Variants in ACKR2 observed in about 807,000 individuals in gnomAD.
ACKR2 encodes the protein C-C chemokine receptor D6.
For synonymous variants in ACKR2, 207 were observed against 192.2 expected, an observed-to-expected ratio of 1.08 and a Z score of -0.64; for missense variants, 457 against 477.3, an observed-to-expected ratio of 0.96 and a Z score of 0.40.
At chr3:42,848,937 C>T (rs1701124820) in intron 2 of ACKR2, among the ~76,000 whole-genome samples, 1 of 152,116 alleles carries the variant, frequency 6.6e-6, no homozygotes, top group Non-Finnish European at 1.5e-5. Context: ...AATTTAGGGA[C>T]ATTCTACAAA....
At chr3:42,815,493 CAG>C (rs1193786123) in intron 1 of ACKR2, among the ~76,000 whole-genome samples, 1 of 152,182 alleles carries the variant, frequency 6.6e-6, no homozygotes, top group African/African-American at 2.4e-5. Flanking sequence ...CTTTACACTG[CAG>C]AGTCATGGAA....
chr3:42,849,431 C>T (rs1032116422), intron 2 of ACKR2, among the ~76,000 whole-genome samples: 4 of 151,610 alleles, frequency 2.6e-5, no homozygotes, highest in Non-Finnish European at 5.9e-5. Flanking sequence ...CTGGGAGGCA[C>T]AGGTTGCAGT....
rs530026395 is a variant in ACKR2, at chr3:42,817,616, A to T, written c.-118-2015A>T. Among the ~76,000 whole-genome samples the T allele has an allele frequency of 5.9e-5, 9 of 152,160 alleles. No homozygotes were observed. In the South Asian group the frequency reaches 1.7e-3, roughly 28 times the overall value. The stretch of plus-strand genomic sequence containing the variant: ...TCTCATACTCTTCCATTTAAAAAAG[A>T]TTCCTTCCTAGATTCTTCATCCTTT... On this transcript the variant is annotated intron_variant, in intron 1 of 2. Transcript: ENST00000422265.
intron 2 of ACKR2, among the ~76,000 whole-genome samples, chr3:42,850,047 G>A (rs1207834953): frequency 6.6e-6 from 1 of 152,080 alleles, no homozygotes; most frequent in Non-Finnish European, 1.5e-5. Flanking sequence ...ACAAAAGGGG[G>A]GAGGTGAGGG....
chr3:42,865,166 C>A lies in ACKR2; in HGVS notation c.664C>A (p.Pro222Thr). 1 of 1,614,184 alleles carries A rather than the reference C, an allele frequency of 6.2e-7. No homozygotes were observed. The highest frequency in any genetic ancestry group is 8.5e-7 in the Non-Finnish European group (1 of 1,180,040). The change falls in exon 3 of 3, where the codon CCA becomes ACA. Residue 222 changes from proline to threonine, a missense_variant. Pro to Thr is a conservative substitution (Grantham distance 38, BLOSUM62 -1). Transcript: ENST00000422265. Reference protein sequence around the residue: ...FQQNLLGFLLPLLAMIFFYSR... With the variant: ...FQQNLLGFLLTLLAMIFFYSR... Reference sequence around the variant, plus strand: ...GCAGAACCTCCTAGGGTTTCTCCTTCCACTCCTTGCCATGATCTTCTTCTA... The same window carrying A: ...GCAGAACCTCCTAGGGTTTCTCCTTACACTCCTTGCCATGATCTTCTTCTA...
intron 2 of ACKR2, among the ~76,000 whole-genome samples, chr3:42,838,125 T>TA (rs1338412867): frequency 6.6e-6 from 1 of 152,124 alleles, no homozygotes; most frequent in African/African-American, 2.4e-5. Flanking sequence ...TTTATGACAT[T>TA]AGGGTAAGCA....
intron 1 of ACKR2, among the ~76,000 whole-genome samples, chr3:42,815,132 G>A (rs1043284344): frequency 6.6e-6 from 1 of 152,220 alleles, no homozygotes. Context: ...GCCGCCTGAA[G>A]ACGTTGGAGC....
chr3:42,837,642 C>T (rs947524538), intron 2 of ACKR2, among the ~76,000 whole-genome samples: 5 of 152,082 alleles, frequency 3.3e-5, no homozygotes, highest in African/African-American at 1.2e-4. Context: ...GGATGGTGCC[C>T]GCCCACATTA....
At chr3:42,812,368 A>T (rs150322384) in intron 1 of ACKR2, among the ~76,000 whole-genome samples, 1 of 152,358 alleles carries the variant, frequency 6.6e-6, no homozygotes, top group Non-Finnish European at 1.5e-5. Context: ...ATAAATGTTT[A>T]GGAAAGGTTT....
chr3:42,810,328 G>A (rs995637276), intron 1 of ACKR2, among the ~76,000 whole-genome samples: 1 of 152,032 alleles, frequency 6.6e-6, no homozygotes, highest in African/African-American at 2.4e-5. Flanking sequence ...AAGACTGGGT[G>A]TATTGATAAA....
intron 2 of ACKR2, among the ~76,000 whole-genome samples, chr3:42,855,584 G>A (rs1450570270): frequency 6.6e-6 from 1 of 152,096 alleles, no homozygotes; most frequent in Admixed American, 6.5e-5. Context: ...GAAAGTGATA[G>A]GAGGATGGTT....
At chr3:42,853,136 A>G (rs1701181086) in intron 2 of ACKR2, among the ~76,000 whole-genome samples, 1 of 152,174 alleles carries the variant, frequency 6.6e-6, no homozygotes, top group African/African-American at 2.4e-5. Flanking sequence ...CAATCTGAAT[A>G]TGCTTCCCAT....
At chr3:42,811,252 C>T (rs952663430) in intron 1 of ACKR2, among the ~76,000 whole-genome samples, 2 of 152,216 alleles carry the variant, frequency 1.3e-5, no homozygotes, top group Admixed American at 6.5e-5. Context: ...ACATAAGAAA[C>T]TCCATTTTGA....
At chr3:42,859,564 GTAGAGA>G (rs779184444) in intron 2 of ACKR2, among the ~76,000 whole-genome samples, 177 of 152,058 alleles carry the variant, frequency 1.2e-3, no homozygotes, top group Non-Finnish European at 1.9e-3. Context: ...TGTATTTTTA[GTAGAGA>G]TGGGGTTTCA....
intron 2 of ACKR2, among the ~76,000 whole-genome samples, chr3:42,834,276 C>T (rs560344092): frequency 5.3e-5 from 8 of 152,194 alleles, no homozygotes; most frequent in East Asian, 3.9e-4. Context: ...ATTATTATAC[C>T]GCTATGGTGA....
chr3:42,852,136 T>C lies in ACKR2; in HGVS notation c.-37-12330T>C, dbSNP rs1166277020. ...GCTAAGTATCAGAGAGGTTAAATAA[T>C]GAGCTCGGAGTTGCACAGCCATTAA... On this transcript the variant is annotated intron_variant, in intron 2 of 2. Coordinates refer to ENST00000422265, the MANE Select transcript of ACKR2 (RefSeq NM_001296.5). This position sits in a 1 kb window ranked among gnomAD's most constrained non-coding sequence, Gnocchi z 4.3. Among the ~76,000 whole-genome samples, 1 of 152,200 alleles carries C rather than the reference T, an allele frequency of 6.6e-6. No homozygotes were observed. Among genetic ancestry groups the C allele is most frequent in the Non-Finnish European group, 1.5e-5 (1 of 68,032 alleles).
In ACKR2 at chr3:42,855,920, G is replaced by A. The variant is rs548278471; in HGVS notation, c.-37-8546G>A. The A allele has an allele frequency of 1.5e-3, 229 of 155,116 alleles. 1 individual carries two copies. Among genetic ancestry groups the A allele is most frequent in the Admixed American group, 4.5e-3 (69 of 15,368 alleles). 9.6% of individuals were successfully genotyped at this position (155,116 alleles called of 1,614,324 possible). A position where few individuals can be genotyped will look rare whatever the true frequency, so the allele number is the denominator to read the frequency against. On this transcript the variant is annotated intron_variant, in intron 2 of 2. Coordinates refer to ENST00000422265, the MANE Select transcript of ACKR2 (RefSeq NM_001296.5). ...GCTGAAACAAAAGTCAGGGGACTTC[G>A]AGAAATCAAGTCAAGATCAAGGTCC...
intron 1 of ACKR2, among the ~76,000 whole-genome samples, chr3:42,818,108 C>T (rs1700772206): frequency 6.6e-6 from 1 of 152,156 alleles, no homozygotes; most frequent in South Asian, 2.1e-4. Flanking sequence ...TGTTCCAGAG[C>T]TATCTATTCA....
rs748747308 is a variant in ACKR2 at position 42,864,777 on chromosome 3, A to G, written c.275A>G (p.Asn92Ser). The G allele has an allele frequency of 1.9e-6, 3 of 1,614,098 alleles. No homozygotes were observed. Among genetic ancestry groups the G allele is most frequent in the Non-Finnish European group, 2.5e-6 (3 of 1,180,018 alleles). The stretch of plus-strand genomic sequence containing the variant: ...TATCTGCTGAATCTGGCCATCTCCA[A>G]CCTTCTGTTTCTGGTGACACTGCCC... ...EIYLLNLAISNLLFLVTLPFW... is the reference protein window; with the variant it reads ...EIYLLNLAISSLLFLVTLPFW... Residue 92 changes from asparagine (N) to serine (S), a missense_variant, in exon 3 of 3, where the codon AAC (asparagine) becomes AGC (serine). Physicochemically the swap from Asn to Ser is conservative, Grantham distance 46. Transcript: ENST00000422265.
Sources: gnomAD v4.1 joint callset for allele counts (sites outside exome capture counted in the v4.1 genomes callset) on GRCh38, gnomAD v4.1.1 for gene constraint, Gnocchi (gnomAD v3.1) non-coding constraint, MANE v1.5 for transcripts, NCBI Gene and HGNC (gene_info 2026-07-23, HGNC 2026-07-21) for gene names.